Variants in DDAH1 observed in about 807,000 individuals in gnomAD.
DDAH1 encodes N(G),N(G)-dimethylarginine dimethylaminohydrolase 1.
Under a neutral mutation model 28.8 loss-of-function variants are expected in DDAH1, and 19 were observed. That is an observed-to-expected ratio of 0.66 (90% CI 0.46 to 0.97). The LOEUF (loss-of-function observed/expected upper bound fraction) is 0.97. DDAH1 is among the 50% of genes least tolerant of loss of function. The pLI is 0.00. For missense variants in DDAH1, 326 were observed against 375.9 expected (o/e 0.87, Z 1.10); for synonymous variants, 153 against 154.4 (o/e 0.99, Z 0.07).
intron 1 of DDAH1, among the ~76,000 whole-genome samples, chr1:85,406,709 A>G (rs773928006): frequency 6.6e-6 from 1 of 152,182 alleles, no homozygotes; most frequent in Non-Finnish European, 1.5e-5. Context: ...GAGAACACGT[A>G]AAAATATACT....
At chr1:85,498,587 T>C (rs947579616) in intron 1 of DDAH1, among the ~76,000 whole-genome samples, 3 of 152,074 alleles carry the variant, frequency 2.0e-5, no homozygotes, top group Non-Finnish European at 2.9e-5. Context: ...CAACAACATA[T>C]AGTTTTCAAG....
rs2100806004 is a variant in DDAH1, at chr1:85,563,073, T to C, written c.-123+14911A>G. Among the ~76,000 whole-genome samples the C allele has an allele frequency of 2.0e-5, 3 of 152,322 alleles. No individual in the cohort carries two copies. The South Asian group carries it at 6.2e-4, about 32-fold the overall frequency. On this transcript the variant is annotated intron_variant, in intron 1 of 6. Coordinates refer to the DDAH1 transcript ENST00000426972. ...AAGACCTACAATTATCCCAGCTTAC[T>C]GCTTGAAAAGAAGATCTAAGCTGTA...
intron 1 of DDAH1, among the ~76,000 whole-genome samples, chr1:85,461,388 G>A (rs974268019): frequency 5.3e-5 from 8 of 152,044 alleles, no homozygotes; most frequent in Admixed American, 2.6e-4. Flanking sequence ...GGCTTTCACA[G>A]GAATACTTTC....
At chr1:85,492,935 T>C (rs956632324) in intron 2 of DDAH1, among the ~76,000 whole-genome samples, 3 of 152,152 alleles carry the variant, frequency 2.0e-5, no homozygotes, top group Non-Finnish European at 4.4e-5. Context: ...CATATCTTCT[T>C]ACCCCTAGAA....
At chr1:85,565,570 A>G (rs1182209775) in intron 1 of DDAH1, among the ~76,000 whole-genome samples, 3 of 152,186 alleles carry the variant, frequency 2.0e-5, no homozygotes, top group Non-Finnish European at 4.4e-5. Flanking sequence ...TTTCAAAATA[A>G]AAAGTTGAAA....
chr1:85,465,162 T>G (rs1570579240), upstream of DDAH1: 1 of 1,150,688 alleles, frequency 8.7e-7, no homozygotes, highest in Admixed American at 4.8e-5. Flanking sequence ...CTGAATGTGG[T>G]GCAGAAGGAG....
chr1:85,378,485 T>G (rs964046055), intron 1 of DDAH1, among the ~76,000 whole-genome samples: 1 of 152,196 alleles, frequency 6.6e-6, no homozygotes, highest in South Asian at 2.1e-4. Flanking sequence ...CACAGCACAC[T>G]GCAGCCTTGA....
At chr1:85,430,482 C>T (rs1488867491) in intron 1 of DDAH1, among the ~76,000 whole-genome samples, 1 of 152,154 alleles carries the variant, frequency 6.6e-6, no homozygotes, top group Non-Finnish European at 1.5e-5. Flanking sequence ...CTATAAATTA[C>T]TTTGGGCAGT....
chr1:85,421,661 C>T (rs1264150742), intron 1 of DDAH1, among the ~76,000 whole-genome samples: 1 of 152,134 alleles, frequency 6.6e-6, no homozygotes, highest in Non-Finnish European at 1.5e-5. Context: ...AAAGTTTTGT[C>T]TTTTCTAGAT....
chr1:85,385,839 C>T (rs1241609567), intron 1 of DDAH1, among the ~76,000 whole-genome samples: 1 of 152,084 alleles, frequency 6.6e-6, no homozygotes, highest in Non-Finnish European at 1.5e-5. Flanking sequence ...CCAGCATATC[C>T]ATCTGGGAAG....
Position 85,321,288 on chromosome 1 carries a change from G to T in DDAH1, c.*164C>A, listed in dbSNP as rs1200366449. The T allele has an allele frequency of 1.9e-5, 11 of 590,892 alleles. No homozygotes were observed. Among genetic ancestry groups the T allele is most frequent in the Non-Finnish European group, 2.7e-5 (9 of 329,914 alleles). 36.6% of individuals were successfully genotyped at this position (590,892 alleles called of 1,614,324 possible). Reference sequence around the variant, plus strand: ...TAGGTACCACCTCGAGGGGAGGGAGGGTGGGGGTGTTGAATGAAGCAATTC... The same window carrying T: ...TAGGTACCACCTCGAGGGGAGGGAGTGTGGGGGTGTTGAATGAAGCAATTC... On this transcript the variant is annotated 3_prime_UTR_variant, in exon 6 of 6. Coordinates refer to ENST00000284031, the MANE Select transcript of DDAH1 (RefSeq NM_012137.4).
At position 85,368,853 on chromosome 1, in the gene DDAH1, G is replaced by T. The variant is rs548483946; in HGVS notation, c.304-10006C>A. On this transcript the variant is annotated intron_variant, in intron 1 of 5. Transcript: ENST00000284031. Reference sequence around the variant, plus strand: ...GTACTCGAAGTGTTCATAATTTTCTGTGAATTCAGAGGAATCGCATGCTGC... The same window carrying T: ...GTACTCGAAGTGTTCATAATTTTCTTTGAATTCAGAGGAATCGCATGCTGC... Among the ~76,000 whole-genome samples, 124 of 152,220 alleles carry T rather than the reference G, an allele frequency of 8.1e-4. 1 individual carries two copies. In the Middle Eastern group the frequency reaches 0.01, roughly 13 times the overall value.
At position 85,424,978 on chromosome 1, in the gene DDAH1, G is replaced by A. The variant is rs974105738; in HGVS notation, c.303+39765C>T. On this transcript the variant is annotated intron_variant, in intron 1 of 5. Transcript: ENST00000284031. ...TCCAGTCTATTGTCGTTGGCTGTCTGTAGAAAAGAGTATCCCTTTTTTTTA... is the reference window on the plus strand; with the variant it reads ...TCCAGTCTATTGTCGTTGGCTGTCTATAGAAAAGAGTATCCCTTTTTTTTA... 2.0e-5 allele frequency among the ~76,000 whole-genome samples: 3 copies of A among 152,184 alleles called. No homozygotes were observed. In the East Asian group the frequency reaches 5.8e-4, roughly 29 times the overall value.
chr1:85,508,880 C>T (rs934187167), intron 1 of DDAH1, among the ~76,000 whole-genome samples: 1 of 152,246 alleles, frequency 6.6e-6, no homozygotes, highest in Non-Finnish European at 1.5e-5. Context: ...GACTCCACCT[C>T]TGCCGGCACG....
At chr1:85,339,586 A>G (rs764040175) in intron 4 of DDAH1, among the ~76,000 whole-genome samples, 1 of 152,174 alleles carries the variant, frequency 6.6e-6, no homozygotes, top group Non-Finnish European at 1.5e-5. Context: ...GGTGGTAGAA[A>G]ATTTAATGTG....
At chr1:85,460,597 T>A (rs907064321) in intron 1 of DDAH1, among the ~76,000 whole-genome samples, 1 of 151,614 alleles carries the variant, frequency 6.6e-6, no homozygotes, top group African/African-American at 2.4e-5. Context: ...CAAATAAATT[T>A]AAAAAAAAAG....
At chr1:85,530,179 T>C (rs570226562) in intron 1 of DDAH1, among the ~76,000 whole-genome samples, 2 of 152,324 alleles carry the variant, frequency 1.3e-5, no homozygotes, top group Admixed American at 6.5e-5. Context: ...ATTTTACAGG[T>C]AAATTGCTAT....
chr1:85,462,668 G>A (rs1418471812), intron 1 of DDAH1, among the ~76,000 whole-genome samples: 1 of 152,134 alleles, frequency 6.6e-6, no homozygotes, highest in Non-Finnish European at 1.5e-5. Context: ...CTGGTGCCGT[G>A]AGAGATTTCT....
At position 85,502,313 on chromosome 1, in the gene DDAH1, C is replaced by T. The variant is rs117161410; in HGVS notation, c.-122-6032G>A. On this transcript the variant is annotated intron_variant, in intron 1 of 6. Coordinates refer to the DDAH1 transcript ENST00000426972. ...CAACAACGAGAGGAAACGACATTTGCTGACTACACCCCACGCACTCTGCTA... is the reference window on the plus strand; with the variant it reads ...CAACAACGAGAGGAAACGACATTTGTTGACTACACCCCACGCACTCTGCTA... Among the ~76,000 whole-genome samples, 103 of 152,314 alleles carry T rather than the reference C, an allele frequency of 6.8e-4. 4 individuals are homozygous for T. In the East Asian group the frequency reaches 0.019, roughly 28 times the overall value.
Sources: allele counts gnomAD v4.1 joint callset (sites outside exome capture counted in the v4.1 genomes callset), GRCh38; gene constraint gnomAD v4.1.1; transcripts MANE v1.5; gene names NCBI Gene and HGNC (gene_info 2026-07-23, HGNC 2026-07-21).